Variants in PLEKHM1 observed in about 807,000 individuals in gnomAD.
The protein encoded by PLEKHM1 is pleckstrin homology domain-containing family M member 1.
In PLEKHM1, 28 loss-of-function variants were observed where a neutral mutation model predicts 94.3. The observed-to-expected ratio is 0.30, with a 90% CI of 0.22 to 0.41. PLEKHM1 has a LOEUF of 0.41. PLEKHM1 is among the 10% of genes least tolerant of loss of function. The pLI, the probability that PLEKHM1 is intolerant of heterozygous loss-of-function variation, is 1.00. For missense variants in PLEKHM1, 907 were observed against 1,358.6 expected (o/e 0.67, Z 5.22); for synonymous variants, 424 against 581.2 (o/e 0.73, Z 3.89).
intron 1 of PLEKHM1, among the ~76,000 whole-genome samples, chr17:45,485,408 C>T (rs1172166155): frequency 6.6e-6 from 1 of 152,026 alleles, no homozygotes; most frequent in Non-Finnish European, 1.5e-5. Context: ...AGCCCGAAGC[C>T]CCAAAGTTGC....
chr17:45,472,068 GATTTT>G (rs1201656705), intron 4 of PLEKHM1, among the ~76,000 whole-genome samples: 1 of 151,506 alleles, frequency 6.6e-6, no homozygotes, highest in East Asian at 1.9e-4. Context: ...TGGATGTTTT[GATTTT>G]ATATGTGTAA....
intron 5 of PLEKHM1, among the ~76,000 whole-genome samples, chr17:45,467,979 C>A (rs1339285734): frequency 1.3e-5 from 2 of 152,024 alleles, no homozygotes; most frequent in Admixed American, 6.6e-5. Flanking sequence ...CAGCACAGTG[C>A]CGGGCTTATA....
chr17:45,475,442 G>A lies in PLEKHM1; in HGVS notation c.581C>T (p.Ala194Val), dbSNP rs771370189. ...AGAAAGCGGGCAAAGCCCAGACAGGGCCAATGGGGTGAGCGTCCACTCATT... is the reference window on the plus strand; with the variant it reads ...AGAAAGCGGGCAAAGCCCAGACAGGACCAATGGGGTGAGCGTCCACTCATT... The part of the protein sequence containing the change: ...ILNEWTLTPL[A>V]LSGLCPLSEL... The change falls in exon 4 of 12, where the codon GCC (alanine) becomes GTC (valine). Residue 194 changes from alanine to valine, a missense_variant. Coordinates refer to ENST00000430334, the MANE Select transcript of PLEKHM1 (RefSeq NM_014798.3). 6 of 1,602,194 alleles carry A rather than the reference G, an allele frequency of 3.7e-6. No homozygotes were observed. The South Asian group carries it at 5.5e-5, about 15-fold the overall frequency.
At chr17:45,450,479 A>G (rs2145203889) in intron 8 of PLEKHM1, 139 bp downstream of exon 8, 1 of 1,396,472 alleles carries the variant, frequency 7.2e-7, no homozygotes, top group African/African-American at 1.4e-5. Flanking sequence ...GCTCCCCAAC[A>G]TCACAGTGCC....
Position 45,450,576 on chromosome 17 carries a change from C to T in PLEKHM1, c.2643+42G>A, listed in dbSNP as rs1205307416. The T allele has an allele frequency of 3.1e-6, 5 of 1,611,612 alleles. No homozygotes were observed. In the South Asian group the frequency reaches 3.3e-5, roughly 11 times the overall value. On this transcript the variant is annotated intron_variant, in intron 8 of 11. Coordinates refer to ENST00000430334, the MANE Select transcript of PLEKHM1 (RefSeq NM_014798.3). ...GCAGCAGCAAAGAGGAGTGAACACC[C>T]CTCTGTCCCTCAGCAGCTGGGCTGC...
rs2051990503 is a variant in PLEKHM1 at position 45,482,643 on chromosome 17, T to A, written c.-41-118A>T. ...TACTCAAACTGCAACCAAAAAGGCC[T>A]TTGCAGAACACAAAAGTAAAAACTG... On this transcript the variant is annotated intron_variant, in intron 1 of 11. Coordinates refer to ENST00000430334, the MANE Select transcript of PLEKHM1 (RefSeq NM_014798.3). 1.4e-5 allele frequency: 10 copies of A among 709,544 alleles called. 1 individual carries two copies. The highest frequency in any genetic ancestry group is 3.4e-4 in the Middle Eastern group (1 of 2,920). The allele number at this position is 709,544 out of a possible 1,614,324, so 44.0% of individuals were successfully genotyped here.
At chr17:45,462,453 G>A (rs1025872311) in intron 5 of PLEKHM1, among the ~76,000 whole-genome samples, 3 of 151,916 alleles carry the variant, frequency 2.0e-5, no homozygotes, top group Non-Finnish European at 2.9e-5. Context: ...GATCTCCAGC[G>A]CCTGGTGGGA....
At chr17:45,434,678 C>G (rs1245602160), downstream of PLEKHM1, among the ~76,000 whole-genome samples, 2 of 152,146 alleles carry the variant, frequency 1.3e-5, no homozygotes, top group African/African-American at 4.8e-5. Context: ...CTTCTGACCT[C>G]AGATGATCCA....
rs1472325893 is a variant in PLEKHM1, at chr17:45,445,958, G to T, written c.2644-295C>A. ...ATGAGGGAGGGACTGCTCTGATAAC[G>T]CCCCCTCCCTCTGGGCCTCACAGAT... On this transcript the variant is annotated intron_variant, in intron 8 of 11. Coordinates refer to ENST00000430334, the MANE Select transcript of PLEKHM1 (RefSeq NM_014798.3). The surrounding 1 kb of genome is among the most constrained non-coding windows in gnomAD (Gnocchi z 4.2). Among the ~76,000 whole-genome samples, 4 of 152,106 alleles carry T rather than the reference G, an allele frequency of 2.6e-5. No homozygotes were observed. The South Asian group carries it at 6.2e-4, about 24-fold the overall frequency.
chr17:45,446,163 A>T (rs2050600088), intron 8 of PLEKHM1: 2 of 219,234 alleles, frequency 9.1e-6, no homozygotes, highest in Non-Finnish European at 1.9e-5. Context: ...GGCTCACACC[A>T]GTAGCAACAC....
intron 1 of PLEKHM1, among the ~76,000 whole-genome samples, chr17:45,486,608 A>C (rs1253531473): frequency 1.3e-5 from 2 of 152,152 alleles, no homozygotes; most frequent in African/African-American, 4.8e-5. Context: ...ACTGAAGCTA[A>C]GAGAGACAGG....
chr17:45,451,526 C>T (rs139681831), intron 7 of PLEKHM1, among the ~76,000 whole-genome samples: 2,403 of 152,340 alleles, frequency 0.016, 57 homozygotes, highest in African/African-American at 0.052. Flanking sequence ...AGCTGCCTCA[C>T]CCTGACCTTC....
chr17:45,456,998 TG>T (rs1029538876), intron 6 of PLEKHM1, among the ~76,000 whole-genome samples: 2 of 151,694 alleles, frequency 1.3e-5, no homozygotes, highest in Non-Finnish European at 2.9e-5. Flanking sequence ...GTGGCCAACA[TG>T]GCAAAATCCT....
chr17:45,459,370 T>C (rs574348624), intron 5 of PLEKHM1: 1 of 152,372 alleles, frequency 6.6e-6, no homozygotes, highest in South Asian at 2.1e-4. Context: ...GATGGAACCA[T>C]ACGACACGTG....
At position 45,444,938 on chromosome 17, in the gene PLEKHM1, G is replaced by A. The variant is rs2050556446; in HGVS notation, c.2837+532C>T. Among the ~76,000 whole-genome samples, 2 of 152,038 alleles carry A rather than the reference G, an allele frequency of 1.3e-5. No individual in the cohort carries two copies. Among genetic ancestry groups the A allele is most frequent in the South Asian group, 4.1e-4 (2 of 4,824 alleles). On this transcript the variant is annotated intron_variant, in intron 9 of 11. Coordinates refer to ENST00000430334, the MANE Select transcript of PLEKHM1 (RefSeq NM_014798.3). This position sits in a 1 kb window ranked among gnomAD's most constrained non-coding sequence, Gnocchi z 5.0. Reference sequence around the variant, plus strand: ...ACCCTCACCCCCGGATGGAGTTGCTGGCTTTCCCACCTGTCTCCCTCTCAC... The same window carrying A: ...ACCCTCACCCCCGGATGGAGTTGCTAGCTTTCCCACCTGTCTCCCTCTCAC...
At chr17:45,482,704 G>A (rs769154307) in intron 1 of PLEKHM1, among the ~76,000 whole-genome samples, 179 bp from the exon 2 acceptor site, 2 of 152,142 alleles carry the variant, frequency 1.3e-5, no homozygotes, top group Non-Finnish European at 2.9e-5. Context: ...AGGAAGGAAA[G>A]CCCAGGGGGC....
At chr17:45,478,444 C>G (rs181268211) in intron 2 of PLEKHM1, among the ~76,000 whole-genome samples, 11 of 152,152 alleles carry the variant, frequency 7.2e-5, no homozygotes, top group African/African-American at 2.7e-4. Flanking sequence ...CTTAAGTGAA[C>G]TTAGAGCCAT....
rs1389053948 is a variant in PLEKHM1, at chr17:45,444,624, CCTCACTGTAGCCAAAGTT to C, written c.2837+828_2837+845del. ...CTCTCGCCACACTCCCCACTTCCCT[CCTCACTGTAGCCAAAGTT>C]CTCCCTGGGCTTTCCACCAACGGTG... On this transcript the variant is annotated intron_variant, in intron 9 of 11. Transcript: ENST00000430334. The surrounding 1 kb of genome is among the most constrained non-coding windows in gnomAD (Gnocchi z 5.0). 1.2e-4 allele frequency among the ~76,000 whole-genome samples: 19 copies of C among 152,248 alleles called. No individual in the cohort carries two copies. The highest frequency in any genetic ancestry group is 4.6e-4 in the African/African-American group (19 of 41,448).
At chr17:45,474,000 T>A (rs1477887583) in intron 4 of PLEKHM1, among the ~76,000 whole-genome samples, 1 of 151,968 alleles carries the variant, frequency 6.6e-6, no homozygotes, top group African/African-American at 2.4e-5. Flanking sequence ...TGTATATGTT[T>A]TAGATTTTTT....
Sources: gnomAD v4.1 joint callset for allele counts (sites outside exome capture counted in the v4.1 genomes callset) on GRCh38, gnomAD v4.1.1 for gene constraint, Gnocchi (gnomAD v3.1) non-coding constraint, MANE v1.5 for transcripts, NCBI Gene and HGNC (gene_info 2026-07-23, HGNC 2026-07-21) for gene names.